Variants in RTCB observed in about 807,000 individuals in gnomAD.
RTCB encodes the protein RNA 2',3'-cyclic phosphate and 5'-OH ligase.
A neutral mutation model predicts 58.2 loss-of-function variants in RTCB; 32 were observed. The observed-to-expected ratio is 0.55, with a 90% CI of 0.41 to 0.74. The LOEUF is 0.74. Among genes scored for constraint, RTCB ranks in the 30% least tolerant of loss-of-function variants. RTCB has a pLI of 0.00. For missense variants in RTCB, 523 were observed against 639.0 expected, an observed-to-expected ratio of 0.82 and a Z score of 1.96; for synonymous variants, 247 against 218.6, an observed-to-expected ratio of 1.13 and a Z score of -1.15.
At position 32,398,218 on chromosome 22, in the gene RTCB, C is replaced by T. The variant is rs561096051; in HGVS notation, c.655-118G>A. 19 of 1,145,188 alleles carry T rather than the reference C, an allele frequency of 1.7e-5. No individual in the cohort carries two copies. In the African/African-American group the frequency reaches 2.7e-4, roughly 16 times the overall value. 70.9% of individuals were successfully genotyped at this position (1,145,188 alleles called of 1,614,324 possible). A position where few individuals can be genotyped will look rare whatever the true frequency, so the allele number is the denominator to read the frequency against. On this transcript the variant is annotated intron_variant, in intron 6 of 11. Transcript: ENST00000216038. Reference sequence around the variant, plus strand: ...CAAAATAAACATACAAATAGTGTTTCAGTAACAAAAAAATTCCTAAGCTAT... The same window carrying T: ...CAAAATAAACATACAAATAGTGTTTTAGTAACAAAAAAATTCCTAAGCTAT...
intron 8 of RTCB, 110 bp from the exon 9 acceptor site, chr22:32,395,324 ATTTAAAAGT>A: frequency 1.1e-6 from 1 of 895,712 alleles, no homozygotes; most frequent in Non-Finnish European, 1.7e-6. Context: ...GGAGTAAAAG[ATTTAAAAGT>A]TCAAAAGTAG....
intron 9 of RTCB, among the ~76,000 whole-genome samples, chr22:32,394,436 C>T (rs541735056): frequency 2.0e-5 from 3 of 152,084 alleles, no homozygotes; most frequent in Non-Finnish European, 4.4e-5. Context: ...TCTAAACGCG[C>T]GGCTAGTAAA....
Position 32,396,187 on chromosome 22 carries a change from A to G in RTCB, c.877T>C (p.Leu293=). Residue 293 remains leucine, a synonymous_variant, in exon 8 of 12, where the codon TTG becomes CTG. Coordinates refer to ENST00000216038, the MANE Select transcript of RTCB (RefSeq NM_014306.5). ...GGGGAAGCGATTCGAGCACAAGCCA[A>G]CTGCCGATCATTGACTATAATCTTG... The part of the protein sequence containing the change: ...RDKIIVNDRQ[L]ACARIASPEG... The G allele has an allele frequency of 6.2e-7, 1 of 1,614,210 alleles. No individual in the cohort carries two copies. The highest frequency in any genetic ancestry group is 8.5e-7 in the Non-Finnish European group (1 of 1,180,028).
chr22:32,389,978 C>T (rs907498022), intron 11 of RTCB, among the ~76,000 whole-genome samples: 1 of 152,190 alleles, frequency 6.6e-6, no homozygotes, highest in Non-Finnish European at 1.5e-5. Context: ...CCTCAGCTCA[C>T]AGATTTTGCG....
rs79545976 is a variant in RTCB, at chr22:32,391,815, A to G, written c.1410+425T>C. Among the ~76,000 whole-genome samples, 141 of 152,356 alleles carry G rather than the reference A, an allele frequency of 9.3e-4. 5 individuals are homozygous for G. In the East Asian group the frequency reaches 0.025, roughly 27 times the overall value. On this transcript the variant is annotated intron_variant, in intron 11 of 11. Transcript: ENST00000216038. ...TATTGCTTTTAATTTAAATATGTAC[A>G]TATATGTAAACATATATACAGAATT...
At position 32,396,172 on chromosome 22, in the gene RTCB, T is replaced by C; in HGVS notation, c.892A>G (p.Ile298Val). The C allele has an allele frequency of 6.2e-7, 1 of 1,614,202 alleles. No homozygotes were observed. The highest frequency in any genetic ancestry group is 1.1e-5 in the South Asian group (1 of 91,078). Reference sequence around the variant, plus strand: ...TAGTCTTGACCCTCTGGGGAAGCGATTCGAGCACAAGCCAACTGCCGATCA... The same window carrying C: ...TAGTCTTGACCCTCTGGGGAAGCGACTCGAGCACAAGCCAACTGCCGATCA... ...VNDRQLACAR[I>V]ASPEGQDYLK... Residue 298 changes from isoleucine (I) to valine (V), a missense_variant, in exon 8 of 12, where the codon ATC becomes GTC. Ile to Val is a conservative substitution (Grantham distance 29, BLOSUM62 3). Transcript: ENST00000216038.
rs1430628179 is a variant in RTCB, at chr22:32,393,990, G to A, written c.1192C>T (p.Pro398Ser). Residue 398 changes from proline (P) to serine (S), a missense_variant, in exon 10 of 12, where the codon CCA becomes TCA. Pro to Ser is a moderately conservative substitution (Grantham distance 74, BLOSUM62 -1). This residue lies in a region of RTCB where 248 missense variants were observed against 292.5 expected (regional missense o/e 0.85). Coordinates refer to ENST00000216038, the MANE Select transcript of RTCB (RefSeq NM_014306.5). ...IAVDYQLTGQ[P>S]VLIGGTMGTC... is the part of the protein sequence containing the mutation. ...CCCATGGTGCCACCAATGAGCACTG[G>A]CTGTCCAGTGAGCTGAGGATGCACA... 1 of 1,610,622 alleles carries A rather than the reference G, an allele frequency of 6.2e-7. No individual in the cohort carries two copies. Among genetic ancestry groups the A allele is most frequent in the East Asian group, 2.2e-5 (1 of 44,890 alleles).
In RTCB at chr22:32,387,872, C is replaced by A. The variant is rs551291037; in HGVS notation, c.*120G>T. The A allele has an allele frequency of 6.2e-5, 39 of 630,430 alleles. No individual in the cohort carries two copies. In the South Asian group the frequency reaches 7.7e-4, roughly 12 times the overall value. The allele number at this position is 630,430 out of a possible 1,614,324, so 39.1% of individuals were successfully genotyped here. The stretch of plus-strand genomic sequence containing the variant: ...TCCCCATCAGCCATTTTGGCGTGAG[C>A]AGTTACAGCTGCACACTTTGCAACT... On this transcript the variant is annotated 3_prime_UTR_variant, in exon 12 of 12. Coordinates refer to ENST00000216038, the MANE Select transcript of RTCB (RefSeq NM_014306.5).
intron 5 of RTCB, chr22:32,401,473 T>C (rs1420143300): frequency 6.8e-6 from 2 of 292,526 alleles, no homozygotes; most frequent in African/African-American, 2.2e-5. Flanking sequence ...AATGATATGA[T>C]GCTCAGCACC....
Position 32,399,704 on chromosome 22 carries a change from C to T in RTCB, c.553G>A (p.Ala185Thr), listed in dbSNP as rs757812718. 5.6e-6 allele frequency: 9 copies of T among 1,614,116 alleles called. No homozygotes were observed. The highest frequency in any genetic ancestry group is 3.3e-5 in the Admixed American group (2 of 60,022). Residue 185 changes from alanine (A) to threonine (T), a missense_variant, in exon 6 of 12, where the codon GCC becomes ACC. Physicochemically the swap from Ala to Thr is moderately conservative, Grantham distance 58 (BLOSUM62 0). Around this residue, in one of 3 missense-constraint regions of RTCB, gnomAD observed 141 missense variants for 216.7 expected, o/e 0.65. Transcript: ENST00000216038. ...GVDWSLREGY[A>T]WAEDKEHCEE... ...CAGTGCTCCTTGTCTTCAGCCCAGG[C>T]ATACCCTTCTCTTAAGGACCAGTCC...
intron 7 of RTCB, among the ~76,000 whole-genome samples, chr22:32,397,412 T>C (rs1478084500): frequency 1.3e-5 from 2 of 152,240 alleles, no homozygotes; most frequent in African/African-American, 2.4e-5. Flanking sequence ...TGTGTTTTGT[T>C]TGACTCTCCT....
chr22:32,409,681 G>A (rs1241071302), intron 1 of RTCB, among the ~76,000 whole-genome samples: 1 of 152,110 alleles, frequency 6.6e-6, no homozygotes, highest in Non-Finnish European at 1.5e-5. Flanking sequence ...TTTCTTAAGG[G>A]TCACATTTAT....
chr22:32,405,713 T>G (rs897229338), intron 4 of RTCB, among the ~76,000 whole-genome samples: 2 of 152,188 alleles, frequency 1.3e-5, no homozygotes, highest in Non-Finnish European at 1.5e-5. Flanking sequence ...AGAAAAAATT[T>G]TTTACCCAGC....
chr22:32,390,740 A>C (rs60614590), intron 11 of RTCB, among the ~76,000 whole-genome samples: 1 of 152,130 alleles, frequency 6.6e-6, no homozygotes, highest in Non-Finnish European at 1.5e-5. Context: ...GAGCCACTGC[A>C]CCTGGCCAGT....
chr22:32,398,154 A>C, intron 6 of RTCB, 54 bp from the exon 7 acceptor site: 1 of 1,563,708 alleles, frequency 6.4e-7, no homozygotes, highest in Non-Finnish European at 8.6e-7. Flanking sequence ...TTTTTTTTTA[A>C]TCTATTTAAA....
chr22:32,407,947 G>T (rs945356749), intron 3 of RTCB: 6 of 538,584 alleles, frequency 1.1e-5, no homozygotes, highest in African/African-American at 9.5e-5. Context: ...TATAGACAGG[G>T]TCTTGCCATG....
chr22:32,388,617 C>CTACA (rs1245294851), intron 11 of RTCB, among the ~76,000 whole-genome samples: 1 of 151,498 alleles, frequency 6.6e-6, no homozygotes, highest in Non-Finnish European at 1.5e-5. Flanking sequence ...CTATGTGTAC[C>CTACA]TACACTCACA....
chr22:32,393,163 C>T lies in RTCB; in HGVS notation c.1290+729G>A, dbSNP rs548839574. Among the ~76,000 whole-genome samples, 37 of 152,282 alleles carry T rather than the reference C, an allele frequency of 2.4e-4. No individual in the cohort carries two copies. In the South Asian group the frequency reaches 4.3e-3, roughly 18 times the overall value. The stretch of plus-strand genomic sequence containing the variant: ...GTTGCCCAGTCTAGTCTTGAATTCC[C>T]GGCTTCAAGTGCTCCTCCTGCCCTG... On this transcript the variant is annotated intron_variant, in intron 10 of 11. Coordinates refer to ENST00000216038, the MANE Select transcript of RTCB (RefSeq NM_014306.5).
rs200225304 is a variant in RTCB at position 32,396,164 on chromosome 22, G to A, written c.900C>T (p.Ser300=). The part of the protein sequence containing the change: ...DRQLACARIA[S]PEGQDYLKGM... ...CCTTCAGATAGTCTTGACCCTCTGG[G>A]GAAGCGATTCGAGCACAAGCCAACT... is the stretch of plus-strand genomic sequence containing the variant. The change falls in exon 8 of 12, where the codon TCC becomes TCT. Residue 300 remains serine (S), a synonymous_variant. Coordinates refer to ENST00000216038, the MANE Select transcript of RTCB (RefSeq NM_014306.5). 1 of 1,614,112 alleles carries A rather than the reference G, an allele frequency of 6.2e-7. No homozygotes were observed. Among genetic ancestry groups the A allele is most frequent in the African/African-American group, 1.3e-5 (1 of 74,996 alleles).
Sources: allele counts gnomAD v4.1 joint callset (sites outside exome capture counted in the v4.1 genomes callset), GRCh38; gene constraint gnomAD v4.1.1; regional missense constraint gnomAD v4.1.1; transcripts MANE v1.5; gene names NCBI Gene and HGNC (gene_info 2026-07-23, HGNC 2026-07-21).